The following ELP4 variants were observed in gnomAD, a reference collection of about 807,000 sequenced individuals.
ELP4 encodes the protein elongator complex protein 4.
A neutral mutation model predicts 48.9 loss-of-function variants in ELP4; 51 were observed. That is an observed-to-expected ratio of 1.04 (90% CI 0.83 to 1.32). ELP4 has a LOEUF of 1.32. ELP4 is among the 40% of genes most tolerant of loss of function. The pLI is 0.00. For synonymous variants in ELP4, 210 were observed against 189.2 expected (o/e 1.11, Z -0.90); for missense variants, 519 against 514.6 (o/e 1.01, Z -0.08).
At chr11:31,769,315 C>G (rs964729613) in intron 9 of ELP4, among the ~76,000 whole-genome samples, 1 of 152,108 alleles carries the variant, frequency 6.6e-6, no homozygotes, top group Non-Finnish European at 1.5e-5. Context: ...CTATTATGCT[C>G]TGAGGACTCA....
chr11:31,574,823 T>C (rs1957246021), intron 3 of ELP4, among the ~76,000 whole-genome samples: 1 of 152,058 alleles, frequency 6.6e-6, no homozygotes, highest in Non-Finnish European at 1.5e-5. Flanking sequence ...AAACCACAAA[T>C]ATCTGGAGAA....
At chr11:31,621,829 C>A (rs1054156817) in intron 5 of ELP4, among the ~76,000 whole-genome samples, 1 of 151,816 alleles carries the variant, frequency 6.6e-6, no homozygotes, top group Non-Finnish European at 1.5e-5. Context: ...TTACCACAGG[C>A]TTTTCATTGA....
intron 9 of ELP4, among the ~76,000 whole-genome samples, chr11:31,694,356 G>A (rs999416330): frequency 1.3e-5 from 2 of 152,090 alleles, no homozygotes; most frequent in Admixed American, 6.5e-5. Flanking sequence ...GTAAGGAAGG[G>A]GTCCAGTTTC....
chr11:31,574,342 G>C (rs759135276), intron 3 of ELP4, among the ~76,000 whole-genome samples: 7 of 152,138 alleles, frequency 4.6e-5, no homozygotes, highest in Non-Finnish European at 1.0e-4. Context: ...TGCCTCTCTA[G>C]ACTCCACCTC....
At chr11:31,694,111 T>C (rs923577790) in intron 9 of ELP4, among the ~76,000 whole-genome samples, 27 of 152,220 alleles carry the variant, frequency 1.8e-4, no homozygotes, top group Non-Finnish European at 3.7e-4. Flanking sequence ...ATTCTGTAGG[T>C]TGCCTGTTCA....
At chr11:31,673,935 C>A (rs896088146) in intron 9 of ELP4, among the ~76,000 whole-genome samples, 4 of 152,120 alleles carry the variant, frequency 2.6e-5, no homozygotes, top group Admixed American at 1.3e-4. Context: ...AAGGGCTATT[C>A]ATTATAATAA....
At chr11:31,691,944 G>C (rs1946289758) in intron 9 of ELP4, among the ~76,000 whole-genome samples, 1 of 152,122 alleles carries the variant, frequency 6.6e-6, no homozygotes. Context: ...CATCATTAAA[G>C]AACTCATAGA....
intron 9 of ELP4, among the ~76,000 whole-genome samples, chr11:31,672,029 C>T (rs1232101908): frequency 6.6e-6 from 1 of 151,794 alleles, no homozygotes; most frequent in Non-Finnish European, 1.5e-5. Flanking sequence ...TTTTGTTTTT[C>T]TGGGGGGAGC....
intron 5 of ELP4, among the ~76,000 whole-genome samples, chr11:31,608,409 G>C (rs1957914905): frequency 6.6e-6 from 1 of 152,116 alleles, no homozygotes; most frequent in Admixed American, 6.5e-5. Context: ...GGCGTGAGCA[G>C]AGCTTGTTTA....
intron 9 of ELP4, among the ~76,000 whole-genome samples, chr11:31,760,671 A>G (rs1220127979): frequency 2.0e-5 from 3 of 152,214 alleles, no homozygotes; most frequent in Non-Finnish European, 2.9e-5. Flanking sequence ...CTTTTTAGAA[A>G]TAATACTTCC....
intron 9 of ELP4, among the ~76,000 whole-genome samples, chr11:31,765,210 T>G (rs1296813774): frequency 1.3e-5 from 2 of 152,178 alleles, no homozygotes; most frequent in Non-Finnish European, 1.5e-5. Context: ...TTAGAAGAAG[T>G]GACCTTATTC....
intron 9 of ELP4, among the ~76,000 whole-genome samples, chr11:31,708,998 A>G (rs563111917): frequency 6.6e-6 from 1 of 152,280 alleles, no homozygotes; most frequent in East Asian, 1.9e-4. Flanking sequence ...GGTCTTTAAA[A>G]TATCTGAAAT....
intron 3 of ELP4, among the ~76,000 whole-genome samples, chr11:31,542,064 G>A (rs1219519910): frequency 6.6e-6 from 1 of 152,136 alleles, no homozygotes; most frequent in Non-Finnish European, 1.5e-5. Flanking sequence ...GCCTGAAATA[G>A]CTAAAAAACA....
chr11:31,615,290 A>G (rs879543307), intron 5 of ELP4, among the ~76,000 whole-genome samples: 3 of 152,094 alleles, frequency 2.0e-5, no homozygotes, highest in Non-Finnish European at 1.5e-5. Context: ...TGAATACCCT[A>G]CTTCAAAACA....
At chr11:31,641,571 G>C (rs1945098004) in intron 7 of ELP4, among the ~76,000 whole-genome samples, 1 of 151,714 alleles carries the variant, frequency 6.6e-6, no homozygotes, top group African/African-American at 2.4e-5. Context: ...GACTGAAAGG[G>C]GGGCACCTTA....
At position 31,785,539 on chromosome 11, in the gene ELP4, G is replaced by C. The variant is rs1948548807; in HGVS notation, c.*2015G>C. On this transcript the variant is annotated 3_prime_UTR_variant, in exon 10 of 10. Transcript: ENST00000640961. ...TTGAACCCTTATTTTAAATATAAAA[G>C]AAACTTTTCAAACTCAGTAAAAGTG... 5.2e-6 allele frequency: 1 copy of C among 191,548 alleles called. No homozygotes were observed. Among genetic ancestry groups the C allele is most frequent in the Non-Finnish European group, 1.1e-5 (1 of 91,664 alleles). The allele number at this position is 191,548 out of a possible 1,614,324, so 11.9% of individuals were successfully genotyped here.
chr11:31,649,864 T>A (rs1220794679), intron 8 of ELP4: 2 of 320,580 alleles, frequency 6.2e-6, no homozygotes, highest in Non-Finnish European at 1.1e-5. Context: ...TTAAGATCCC[T>A]CTTTACATCT....
chr11:31,743,325 T>C (rs1947501304), intron 9 of ELP4, among the ~76,000 whole-genome samples: 1 of 152,052 alleles, frequency 6.6e-6, no homozygotes, highest in South Asian at 2.1e-4. Flanking sequence ...ACTATCAACA[T>C]TAGACAGATC....
At chr11:31,667,118 G>T (rs918477717) in intron 9 of ELP4, among the ~76,000 whole-genome samples, 2 of 152,172 alleles carry the variant, frequency 1.3e-5, no homozygotes, top group Non-Finnish European at 2.9e-5. Context: ...ATTATAAAAT[G>T]CAGTCTATTT....
Sources: gnomAD v4.1 joint callset for allele counts (sites outside exome capture counted in the v4.1 genomes callset) on GRCh38, gnomAD v4.1.1 for gene constraint, MANE v1.5 for transcripts, NCBI Gene and HGNC (gene_info 2026-07-23, HGNC 2026-07-21) for gene names.